The following SCAPER variants were observed in gnomAD, a reference collection of about 807,000 sequenced individuals.
SCAPER encodes the protein S-phase cyclin A associated protein in the ER.
Under a neutral mutation model 182.2 loss-of-function variants are expected in SCAPER, and 98 were observed. The observed-to-expected ratio is 0.54, with a 90% confidence interval of 0.46 to 0.64. SCAPER has a LOEUF of 0.64. Among genes scored for constraint, SCAPER ranks in the 30% least tolerant of loss-of-function variants. The pLI, the probability that SCAPER is intolerant of heterozygous loss-of-function variation, is 0.00. For missense variants in SCAPER, 1,432 were observed against 1,690.0 expected (o/e 0.85, Z 2.68); for synonymous variants, 605 against 564.6 (o/e 1.07, Z -1.01).
intron 25 of SCAPER, among the ~76,000 whole-genome samples, chr15:76,462,484 G>C (rs1033511911): frequency 6.6e-6 from 1 of 152,076 alleles, no homozygotes; most frequent in African/African-American, 2.4e-5. Context: ...TGCTTATAGA[G>C]AATATATATT....
intron 17 of SCAPER, among the ~76,000 whole-genome samples, chr15:76,712,050 C>A (rs536690008): frequency 6.5e-4 from 99 of 152,182 alleles, no homozygotes; most frequent in African/African-American, 2.2e-3. Context: ...AGGTTTTCTT[C>A]TAGGGTTTTT....
intron 21 of SCAPER, among the ~76,000 whole-genome samples, chr15:76,637,835 A>G (rs2053772830): frequency 6.8e-6 from 1 of 147,078 alleles, no homozygotes; most frequent in South Asian, 2.2e-4. Flanking sequence ...TAGTTGTTGT[A>G]AAGCAGAATC....
At chr15:76,544,687 C>CA (rs2045097078) in intron 23 of SCAPER, among the ~76,000 whole-genome samples, 1 of 152,100 alleles carries the variant, frequency 6.6e-6, no homozygotes, top group Non-Finnish European at 1.5e-5. Context: ...GCGTGACTGG[C>CA]AATGGGTACA....
intron 23 of SCAPER, among the ~76,000 whole-genome samples, chr15:76,548,146 A>G (rs921065923): frequency 2.0e-5 from 3 of 152,008 alleles, no homozygotes; most frequent in East Asian, 3.9e-4. Context: ...GCTTGCTGCT[A>G]GCGCTCATTT....
intron 2 of SCAPER, among the ~76,000 whole-genome samples, chr15:76,875,893 A>C (rs987933619): frequency 1.3e-5 from 2 of 152,022 alleles, no homozygotes; most frequent in Non-Finnish European, 2.9e-5. Flanking sequence ...CTGGTCGAGG[A>C]GGCTCGGGCC....
chr15:76,780,135 G>A (rs116809928), intron 8 of SCAPER, among the ~76,000 whole-genome samples: 2 of 152,200 alleles, frequency 1.3e-5, no homozygotes, highest in Admixed American at 6.5e-5. Context: ...AAGGCAAGCC[G>A]TGACAGACTG....
At chr15:76,588,839 T>C (rs2048889094) in intron 22 of SCAPER, among the ~76,000 whole-genome samples, 2 of 152,130 alleles carry the variant, frequency 1.3e-5, no homozygotes, top group Non-Finnish European at 2.9e-5. Context: ...ATTACCAGAA[T>C]TGTTTTTCTG....
rs56387581 is a variant in SCAPER at position 76,414,938 on chromosome 15, T to C, written c.3312-10259A>G. ...TTGCTCTTTCAGTCCTTTCAATGATTTTGTAAGCACCTAATTCTGTTTTAT... is the reference window on the plus strand; with the variant it reads ...TTGCTCTTTCAGTCCTTTCAATGATCTTGTAAGCACCTAATTCTGTTTTAT... On this transcript the variant is annotated intron_variant, in intron 26 of 31. Coordinates refer to ENST00000563290, the MANE Select transcript of SCAPER (RefSeq NM_020843.4). Among the ~76,000 whole-genome samples, 861 of 152,116 alleles carry C rather than the reference T, an allele frequency of 5.7e-3. 3 individuals are homozygous for C. Among genetic ancestry groups the C allele is most frequent in the Non-Finnish European group, 8.0e-3 (547 of 68,026 alleles).
intron 26 of SCAPER, among the ~76,000 whole-genome samples, chr15:76,422,486 C>T (rs1292374533): frequency 6.6e-6 from 1 of 152,148 alleles, no homozygotes; most frequent in Non-Finnish European, 1.5e-5. Context: ...TGAGACTTTG[C>T]TGAAGTTACT....
chr15:76,567,881 A>G (rs1322095970), intron 23 of SCAPER, among the ~76,000 whole-genome samples: 1 of 152,026 alleles, frequency 6.6e-6, no homozygotes, highest in African/African-American at 2.4e-5. Flanking sequence ...AGTGCAGCCC[A>G]ATTTATCAAG....
chr15:76,507,564 T>C (rs1160074698), intron 23 of SCAPER, among the ~76,000 whole-genome samples: 1 of 152,196 alleles, frequency 6.6e-6, no homozygotes, highest in Admixed American at 6.5e-5. Flanking sequence ...ATATAAGCTC[T>C]GTCAAACATA....
At chr15:76,711,821 T>C (rs1434166323) in intron 17 of SCAPER, among the ~76,000 whole-genome samples, 4 of 152,218 alleles carry the variant, frequency 2.6e-5, no homozygotes, top group Admixed American at 2.0e-4. Flanking sequence ...GAGTTCATTG[T>C]AGATTCTGGA....
intron 21 of SCAPER, among the ~76,000 whole-genome samples, chr15:76,642,053 T>C (rs1439489361): frequency 6.6e-6 from 1 of 152,152 alleles, no homozygotes; most frequent in Non-Finnish European, 1.5e-5. Context: ...CCCAGAATTA[T>C]GATAAGGAAT....
intron 22 of SCAPER, among the ~76,000 whole-genome samples, chr15:76,612,429 G>A (rs1278278390): frequency 6.6e-6 from 1 of 152,068 alleles, no homozygotes; most frequent in African/African-American, 2.4e-5. Flanking sequence ...AGTAGAGAAA[G>A]GGTTTTGCTA....
chr15:76,608,610 CCA>C (rs1450705890), intron 22 of SCAPER, among the ~76,000 whole-genome samples: 1 of 152,150 alleles, frequency 6.6e-6, no homozygotes, highest in Non-Finnish European at 1.5e-5. Flanking sequence ...TGCCCTGCCC[CCA>C]GAGGTGGAGC....
At chr15:76,778,288 C>G (rs2063866798) in intron 8 of SCAPER, among the ~76,000 whole-genome samples, 1 of 151,898 alleles carries the variant, frequency 6.6e-6, no homozygotes, top group South Asian at 2.1e-4. Context: ...GTTAAGGAAA[C>G]CAATTAAAAG....
intron 18 of SCAPER, 101 bp from the exon 19 acceptor site, chr15:76,703,103 T>A: frequency 7.6e-7 from 1 of 1,310,732 alleles, no homozygotes; most frequent in Non-Finnish European, 1.0e-6. Context: ...AATAATAGAA[T>A]GTCGTTTCTA....
intron 29 of SCAPER, among the ~76,000 whole-genome samples, chr15:76,361,114 T>A (rs1379914153): frequency 6.6e-6 from 1 of 151,844 alleles, no homozygotes; most frequent in Non-Finnish European, 1.5e-5. Context: ...AGTTTGCAGA[T>A]TTCACATTTG....
In SCAPER at chr15:76,629,686, T is replaced by C. The variant is rs778064869; in HGVS notation, c.2646-7857A>G. ...CCAGTATTTATTGAGAATCATTGCA[T>C]TGATGTTCATCAGGGATATTAGCTG... On this transcript the variant is annotated intron_variant, in intron 21 of 31. Coordinates refer to ENST00000563290, the MANE Select transcript of SCAPER (RefSeq NM_020843.4). 3.3e-5 allele frequency among the ~76,000 whole-genome samples: 5 copies of C among 152,190 alleles called. No homozygotes were observed. The South Asian group carries it at 6.2e-4, about 19-fold the overall frequency.
Sources: gnomAD v4.1 joint callset for allele counts (sites outside exome capture counted in the v4.1 genomes callset) on GRCh38, gnomAD v4.1.1 for gene constraint, MANE v1.5 for transcripts, NCBI Gene and HGNC (gene_info 2026-07-23, HGNC 2026-07-21) for gene names.